CSDE1: variants seen among roughly 807,000 people sequenced by gnomAD.
CSDE1 encodes cold shock domain containing E1.
In CSDE1, 17 loss-of-function variants were observed where a neutral mutation model predicts 89.3. The ratio of observed to expected loss-of-function variants is 0.19; its 90% CI spans 0.13 to 0.29. The LOEUF (loss-of-function observed/expected upper bound fraction) is 0.29, where lower values mean the gene tolerates loss of function less well. Ranked by LOEUF, CSDE1 falls within the 10% of genes least tolerant of loss-of-function variation. The pLI, the probability that CSDE1 is intolerant of heterozygous loss-of-function variation, is 1.00. For synonymous variants in CSDE1, 322 were observed against 332.8 expected (o/e 0.97, Z 0.35); for missense variants, 672 against 984.2 (o/e 0.68, Z 4.24).
Position 114,739,907 on chromosome 1 carries a change from AAG to A in CSDE1, c.1-19_1-18del, listed in dbSNP as rs1380484635. On this transcript the variant is annotated intron_variant, in intron 2 of 19. Coordinates refer to ENST00000358528, the MANE Select transcript of CSDE1 (RefSeq NM_001007553.3). ...AAAGCTCATCTGTTTTAAAAAGAAA[AAG>A]AATATATACATATCTGTACATTATC... 6.3e-7 allele frequency: 1 copy of A among 1,581,264 alleles called. No homozygotes were observed. The highest frequency in any genetic ancestry group is 8.7e-7 in the Non-Finnish European group (1 of 1,150,246).
rs1660256428 is a variant in CSDE1, at chr1:114,733,978, G to A, written c.711+11C>T. 1.2e-6 allele frequency: 2 copies of A among 1,608,804 alleles called. No individual in the cohort carries two copies. The highest frequency in any genetic ancestry group is 1.7e-6 in the Non-Finnish European group (2 of 1,178,546). On this transcript the variant is annotated intron_variant, in intron 8 of 19. Coordinates refer to ENST00000358528, the MANE Select transcript of CSDE1 (RefSeq NM_001007553.3). Reference sequence around the variant, plus strand: ...TAAAAGGCCAAAGATCAAGTTAACTGACTGTCTTACATTTCTGTCCTTGAT... The same window carrying A: ...TAAAAGGCCAAAGATCAAGTTAACTAACTGTCTTACATTTCTGTCCTTGAT...
intron 1 of CSDE1, among the ~76,000 whole-genome samples, chr1:114,755,150 G>A (rs1373002908): frequency 3.3e-5 from 5 of 152,184 alleles, no homozygotes; most frequent in Non-Finnish European, 1.5e-5. Context: ...TACAATCACA[G>A]CACATTTCAA....
chr1:114,750,278 G>A (rs1397995800), intron 1 of CSDE1, 71 bp from the exon 2 acceptor site: 5 of 152,142 alleles, frequency 3.3e-5, no homozygotes, highest in African/African-American at 1.2e-4. Context: ...TGAGAAGAGG[G>A]ACAAACTCAT....
At chr1:114,736,248 G>A (rs1344637924) in intron 6 of CSDE1, among the ~76,000 whole-genome samples, 1 of 152,016 alleles carries the variant, frequency 6.6e-6, no homozygotes, top group Non-Finnish European at 1.5e-5. Flanking sequence ...ACTGCCTCTG[G>A]TCAACAGCAT....
chr1:114,738,482 C>T (rs1362624909), intron 3 of CSDE1, among the ~76,000 whole-genome samples: 2 of 151,792 alleles, frequency 1.3e-5, no homozygotes, highest in Non-Finnish European at 2.9e-5. Flanking sequence ...TCAGTTTTCT[C>T]TTATGTAAAA....
At chr1:114,718,839 T>TG in intron 18 of CSDE1, 94 bp from the exon 19 acceptor site, 1 of 1,397,022 alleles carries the variant, frequency 7.2e-7, no homozygotes, top group Non-Finnish European at 9.8e-7. Flanking sequence ...ACTGCCCAAA[T>TG]GACTCACTTT....
chr1:114,739,229 C>T (rs1411784283), intron 3 of CSDE1, among the ~76,000 whole-genome samples: 1 of 152,040 alleles, frequency 6.6e-6, no homozygotes, highest in Non-Finnish European at 1.5e-5. Flanking sequence ...GACGGGGTTT[C>T]ACCGTGTTAG....
chr1:114,720,116 A>G (rs1229284629), intron 17 of CSDE1: 4 of 212,604 alleles, frequency 1.9e-5, no homozygotes, highest in Non-Finnish European at 2.8e-5. Context: ...CTGATGAAAA[A>G]CATTCTGAGG....
Position 114,718,096 on chromosome 1 carries a change from G to C in CSDE1, c.*73C>G, listed in dbSNP as rs1659287961. On this transcript the variant is annotated 3_prime_UTR_variant, in exon 20 of 20. Transcript: ENST00000358528. The stretch of plus-strand genomic sequence containing the variant: ...AGATTTCGGGAGGGATGAAGAGGGA[G>C]ATATTCAGAACCCTTCACCAGATTC... 6.7e-6 allele frequency: 10 copies of C among 1,492,126 alleles called. No individual in the cohort carries two copies. The highest frequency in any genetic ancestry group is 9.3e-6 in the Non-Finnish European group (10 of 1,071,790). The allele number at this position is 1,492,126 out of a possible 1,614,324, so 92.4% of individuals were successfully genotyped here.
rs1438739811 is a variant in CSDE1, at chr1:114,717,578, G to A, written c.*591C>T. 1 of 152,532 alleles carries A rather than the reference G, an allele frequency of 6.6e-6. No individual in the cohort carries two copies. The highest frequency in any genetic ancestry group is 1.5e-5 in the Non-Finnish European group (1 of 68,034). 9.4% of individuals were successfully genotyped at this position (152,532 alleles called of 1,614,324 possible). ...AACCAAACTTCTTTAAGTGGATTGT[G>A]ACAAGATTATAAATGATATGAAAAA... On this transcript the variant is annotated 3_prime_UTR_variant, in exon 20 of 20. Transcript: ENST00000358528.
At chr1:114,742,225 C>T (rs1394829840) in intron 2 of CSDE1, among the ~76,000 whole-genome samples, 4 of 152,098 alleles carry the variant, frequency 2.6e-5, no homozygotes. Context: ...TTTGCTCTTA[C>T]CGTATTACCG....
intron 3 of CSDE1, among the ~76,000 whole-genome samples, chr1:114,738,699 G>C (rs1246990388): frequency 9.8e-6 from 1 of 101,654 alleles, no homozygotes; most frequent in African/African-American, 3.9e-5. Flanking sequence ...TTGAGACAGA[G>C]TCTCCCTGTC....
intron 1 of CSDE1, among the ~76,000 whole-genome samples, chr1:114,750,488 T>C (rs2101085943): frequency 6.6e-6 from 1 of 152,250 alleles, no homozygotes; most frequent in Non-Finnish European, 1.5e-5. Flanking sequence ...ATGTTTAATT[T>C]AGTGCAAGTA....
intron 15 of CSDE1, 32 bp from the exon 16 acceptor site, chr1:114,724,034 T>C (rs1659668712): frequency 1.2e-6 from 2 of 1,601,278 alleles, no homozygotes; most frequent in Non-Finnish European, 1.7e-6. Flanking sequence ...ATCTTTCAAT[T>C]TTATTTCATC....
chr1:114,733,576 G>C (rs1003521964), intron 9 of CSDE1, among the ~76,000 whole-genome samples, 156 bp downstream of exon 9: 4 of 150,942 alleles, frequency 2.7e-5, no homozygotes, highest in Non-Finnish European at 4.4e-5. Context: ...ATATAAATCT[G>C]GTTTCTCTTT....
chr1:114,730,840 T>C (rs1660057846), intron 10 of CSDE1, among the ~76,000 whole-genome samples, 192 bp from the exon 11 acceptor site: 1 of 152,220 alleles, frequency 6.6e-6, no homozygotes, highest in South Asian at 2.1e-4. Context: ...CCTGAGCAAT[T>C]TTCTAAGACT....
chr1:114,739,273 T>C (rs977200398), intron 3 of CSDE1, among the ~76,000 whole-genome samples: 3 of 151,860 alleles, frequency 2.0e-5, no homozygotes, highest in East Asian at 1.9e-4. Context: ...CCTCGTGATC[T>C]GCCCGCCTCG....
intron 3 of CSDE1, 65 bp from the exon 4 acceptor site, chr1:114,738,137 G>T: frequency 1.6e-6 from 2 of 1,213,260 alleles, no homozygotes; most frequent in Non-Finnish European, 2.5e-6. Context: ...TTGCTTCCAA[G>T]CTATACTTAA....
intron 12 of CSDE1, among the ~76,000 whole-genome samples, chr1:114,728,642 T>A (rs1447458807): frequency 6.6e-6 from 1 of 152,344 alleles, no homozygotes; most frequent in African/African-American, 2.4e-5. Context: ...TTAAAAGTTA[T>A]TAAAAATAAG....
Sources: allele counts gnomAD v4.1 joint callset (sites outside exome capture counted in the v4.1 genomes callset), GRCh38; gene constraint gnomAD v4.1.1; transcripts MANE v1.5; gene names NCBI Gene and HGNC (gene_info 2026-07-23, HGNC 2026-07-21).